Variants in EDA observed in about 807,000 individuals in gnomAD.
EDA encodes the protein ectodysplasin-A.
EDA carries 2 observed loss-of-function variants against 23.6 expected under a neutral mutation model. The observed-to-expected ratio is 0.08, with a 90% CI of 0.03 to 0.27. EDA has a LOEUF of 0.27. Among genes scored for constraint, EDA ranks in the 10% least tolerant of loss-of-function variants. The pLI, the probability that EDA is intolerant of heterozygous loss-of-function variation, is 1.00. For missense variants in EDA, 229 were observed against 324.2 expected (o/e 0.71, Z 2.26); for synonymous variants, 131 against 132.0 (o/e 0.99, Z 0.05).
Position 69,770,162 on chromosome X carries a change from G to C in EDA, c.396+153458G>C, listed in dbSNP as rs1254784496. Among the ~76,000 whole-genome samples the C allele has an allele frequency of 2.7e-5, 3 of 111,869 alleles. No homozygotes were observed. In the Admixed American group the frequency reaches 2.8e-4, roughly 11 times the overall value. ...GTTAAAGGACATTGATCTATTTCCA[G>C]TTTTTGGCTATAATGATTTGAGCTT... On this transcript the variant is annotated intron_variant, in intron 1 of 7. Transcript: ENST00000374552.
intron 1 of EDA, among the ~76,000 whole-genome samples, chrX:69,845,025 C>T (rs1470505842): frequency 2.7e-5 from 3 of 112,185 alleles, no homozygotes; most frequent in African/African-American, 6.5e-5. Context: ...TTGGTAACCT[C>T]GTAAACTTGG....
At chrX:69,726,552 G>A (rs2012810806) in intron 1 of EDA, among the ~76,000 whole-genome samples, 1 of 112,327 alleles carries the variant, frequency 8.9e-6, no homozygotes, top group Non-Finnish European at 1.9e-5. Context: ...ATAATGTCTG[G>A]CATTCAATAA....
intron 1 of EDA, among the ~76,000 whole-genome samples, chrX:69,624,700 G>GT (rs972705584): frequency 1.1e-4 from 12 of 107,236 alleles, no homozygotes; most frequent in East Asian, 3.0e-4. Flanking sequence ...CAAAGCTTGG[G>GT]TTTTTTTTTC....
chrX:69,787,617 G>A (rs1438497822), intron 1 of EDA, among the ~76,000 whole-genome samples: 2 of 109,834 alleles, frequency 1.8e-5, no homozygotes. Context: ...TTGAATATTG[G>A]CCCCCACTCT....
intron 1 of EDA, among the ~76,000 whole-genome samples, chrX:69,704,963 G>C (rs1206810454): frequency 9.0e-6 from 1 of 110,862 alleles, no homozygotes; most frequent in Non-Finnish European, 1.9e-5. Flanking sequence ...GCTCACACCT[G>C]TAATCCCAGC....
At chrX:69,662,505 A>G (rs1436561016) in intron 1 of EDA, among the ~76,000 whole-genome samples, 1 of 112,434 alleles carries the variant, frequency 8.9e-6, no homozygotes, top group Non-Finnish European at 1.9e-5. Flanking sequence ...CTGTGAGTCC[A>G]TTAAACCTCT....
At chrX:69,752,630 T>A (rs1432861371) in intron 1 of EDA, among the ~76,000 whole-genome samples, 2 of 112,202 alleles carry the variant, frequency 1.8e-5, no homozygotes, top group Admixed American at 1.9e-4. Flanking sequence ...TTCTATTGAT[T>A]GGAATAGTTT....
At chrX:70,022,730 T>C (rs927543998) in intron 2 of EDA, 1 of 113,731 alleles carries the variant, frequency 8.8e-6, no homozygotes, top group African/African-American at 3.2e-5. Context: ...TTTTAATAAG[T>C]AACAAATTAA....
chrX:69,670,365 T>C (rs929595690), intron 1 of EDA: 1 of 334,681 alleles, frequency 3.0e-6, no homozygotes, highest in Non-Finnish European at 5.1e-6. Context: ...TTGATGATAG[T>C]GTACCTTAGA....
In EDA at chrX:69,951,789, C is replaced by T. The variant is rs1019766964; in HGVS notation, c.397-5238C>T. On this transcript the variant is annotated intron_variant, in intron 1 of 7. Coordinates refer to ENST00000374552, the MANE Select transcript of EDA (RefSeq NM_001399.5). ...AACGAACTGTTTCCAGCTGAGATCC[C>T]TGTAATTTGCAGGTGCTGTTTACCA... is the stretch of plus-strand genomic sequence containing the variant. Among the ~76,000 whole-genome samples, 7 of 111,772 alleles carry T rather than the reference C, an allele frequency of 6.3e-5. No homozygotes were observed. In the Admixed American group the frequency reaches 6.6e-4, roughly 11 times the overall value.
Position 69,915,857 on chromosome X carries a change from G to A in EDA, c.397-41170G>A, listed in dbSNP as rs150430970. ...CAGTAGAATCTAACCTGTCTGGGGC[G>A]GGAGAGGGCAGAGAAAACCCTCCAG... On this transcript the variant is annotated intron_variant, in intron 1 of 7. Transcript: ENST00000374552. 3.1e-3 allele frequency among the ~76,000 whole-genome samples: 348 copies of A among 111,384 alleles called. 2 individuals carry two copies. Among genetic ancestry groups the A allele is most frequent in the African/African-American group, 0.011 (338 of 30,668 alleles).
At chrX:69,855,031 T>C (rs1349291731) in intron 1 of EDA, among the ~76,000 whole-genome samples, 1 of 112,015 alleles carries the variant, frequency 8.9e-6, no homozygotes, top group Non-Finnish European at 1.9e-5. Context: ...GACATGTCAT[T>C]GTGGTTTTGA....
rs2020141454 is a variant in EDA at position 70,028,011 on chromosome X, A to T, written c.681A>T (p.Gly227=). Residue 227 remains glycine, a synonymous_variant, in exon 4 of 8, where the codon GGA becomes GGT. Coordinates refer to ENST00000374552, the MANE Select transcript of EDA (RefSeq NM_001399.5). The stretch of plus-strand genomic sequence containing the variant: ...CTCCAGGTCCTCCTGGTCCTCAAGG[A>T]CCCCCTGGCCTCCAGGGACCTTCTG... ...PGPPGPPGPQ[G]PPGLQGPSGA... The T allele has an allele frequency of 8.4e-7, 1 of 1,187,407 alleles. No homozygotes were observed. Among genetic ancestry groups the T allele is most frequent in the Non-Finnish European group, 1.1e-6 (1 of 886,006 alleles).
intron 1 of EDA, among the ~76,000 whole-genome samples, chrX:69,805,492 G>C (rs1434030742): frequency 8.9e-6 from 1 of 111,753 alleles, no homozygotes; most frequent in Non-Finnish European, 1.9e-5. Flanking sequence ...GCCTCTCCAA[G>C]ATATATCTTT....
At chrX:69,636,633 T>A (rs1310329110) in intron 1 of EDA, among the ~76,000 whole-genome samples, 1 of 82,537 alleles carries the variant, frequency 1.2e-5, no homozygotes, top group Non-Finnish European at 2.6e-5. Context: ...TGGTTCATGG[T>A]TTTTTTTTTT....
At chrX:69,818,628 A>T (rs909225724) in intron 1 of EDA, among the ~76,000 whole-genome samples, 14 of 111,606 alleles carry the variant, frequency 1.3e-4, no homozygotes, top group Non-Finnish European at 2.3e-4. Context: ...AGAAATTGAT[A>T]AATTTCTGGA....
chrX:69,695,513 T>C (rs2011304923), intron 1 of EDA, among the ~76,000 whole-genome samples: 1 of 47,868 alleles, frequency 2.1e-5, no homozygotes, highest in African/African-American at 5.7e-5. Flanking sequence ...TCCTTCTTTC[T>C]TTTTTTTTTT....
intron 1 of EDA, among the ~76,000 whole-genome samples, chrX:69,802,343 A>G (rs2015711026): frequency 9.2e-6 from 1 of 109,059 alleles, no homozygotes; most frequent in South Asian, 3.7e-4. Flanking sequence ...ATTATATAAT[A>G]TATAATTCTA....
At chrX:69,784,901 A>G (rs1461587246) in intron 1 of EDA, among the ~76,000 whole-genome samples, 2 of 110,886 alleles carry the variant, frequency 1.8e-5, no homozygotes, top group Admixed American at 9.6e-5. Flanking sequence ...CATTTTCACG[A>G]TATTGATTCT....
Sources: allele counts gnomAD v4.1 joint callset (sites outside exome capture counted in the v4.1 genomes callset), GRCh38; gene constraint gnomAD v4.1.1; transcripts MANE v1.5; gene names NCBI Gene and HGNC (gene_info 2026-07-23, HGNC 2026-07-21).